The following LDB1 variants were observed in gnomAD, a reference collection of about 807,000 sequenced individuals.
LDB1 encodes LIM domain binding 1.
Under a neutral mutation model 49.7 loss-of-function variants are expected in LDB1, and 6 were observed. That is an observed-to-expected ratio of 0.12 (90% confidence interval 0.07 to 0.24). The LOEUF (loss-of-function observed/expected upper bound fraction) is 0.24. Among genes scored for constraint, LDB1 ranks in the 10% least tolerant of loss-of-function variants. The pLI is 1.00. For missense variants in LDB1, 341 were observed against 561.7 expected (o/e 0.61, Z 3.97); for synonymous variants, 233 against 202.0 (o/e 1.15, Z -1.30).
chr10:102,121,086 A>G (rs1305355561), upstream of LDB1, among the ~76,000 whole-genome samples: 1 of 152,086 alleles, frequency 6.6e-6, no homozygotes, highest in Admixed American at 6.5e-5. Context: ...AAAAGGGTTA[A>G]TTAAGTGGGG....
At chr10:102,121,298 A>G (rs1337999894), upstream of LDB1, among the ~76,000 whole-genome samples, 3 of 151,532 alleles carry the variant, frequency 2.0e-5, no homozygotes, top group African/African-American at 7.3e-5. Context: ...CAACCGCCCA[A>G]CCCCACCGCC....
intron 1 of LDB1, chr10:102,114,609 T>C: frequency 1.0e-6 from 1 of 983,298 alleles, no homozygotes; most frequent in Non-Finnish European, 1.2e-6. Flanking sequence ...GCGGCCGCTG[T>C]CCCGGGGGAA....
chr10:102,108,418 A>C, intron 10 of LDB1, 95 bp from the exon 11 acceptor site: 1 of 887,824 alleles, frequency 1.1e-6, no homozygotes, highest in Non-Finnish European at 1.8e-6. Flanking sequence ...CCACCCTGGA[A>C]GCTCAAGAGT....
chr10:102,115,983 T>G (rs960758098), intron 1 of LDB1, among the ~76,000 whole-genome samples: 2 of 152,092 alleles, frequency 1.3e-5, no homozygotes, highest in East Asian at 3.9e-4. Flanking sequence ...TTTCCTTCTT[T>G]GCAATTTGAG....
chr10:102,109,853 G>A lies in LDB1; in HGVS notation c.648+68C>T. ...TGTCTAAGTAGTCAGTCGGGAAATG[G>A]CAGACCTTGTTCCACCCTTCCCCCG... On this transcript the variant is annotated intron_variant, in intron 7 of 10. Transcript: ENST00000673968. The surrounding 1 kb of genome is among the most constrained non-coding windows in gnomAD (Gnocchi z 5.8). 1 of 1,585,192 alleles carries A rather than the reference G, an allele frequency of 6.3e-7. No homozygotes were observed.
chr10:102,113,756 T>A (rs1362606709), intron 1 of LDB1, among the ~76,000 whole-genome samples: 2 of 141,018 alleles, frequency 1.4e-5, no homozygotes, highest in African/African-American at 5.5e-5. Context: ...CTCTCCAATT[T>A]TGTAAAAAAA....
rs558516308 is a variant in LDB1 at position 102,106,541 on chromosome 10, CA to C, written c.*1551del. Reference sequence around the variant, plus strand: ...GGTACCATACATGACTCAAATGGCCCAAAAAAAAAAAAAAAAAAAAAAAAAA... The same window carrying C: ...GGTACCATACATGACTCAAATGGCCCAAAAAAAAAAAAAAAAAAAAAAAAA... On this transcript the variant is annotated 3_prime_UTR_variant, in exon 11 of 11. Transcript: ENST00000673968. Among the ~76,000 whole-genome samples the C allele has an allele frequency of 3.4e-4, 6 of 17,782 alleles. No individual in the cohort carries two copies. Among genetic ancestry groups the C allele is most frequent in the East Asian group, 1.6e-3 (1 of 644 alleles). 11.7% of individuals were successfully genotyped at this position (17,782 alleles called of 152,430 possible). A position where few individuals can be genotyped will look rare whatever the true frequency, so the allele number is the denominator to read the frequency against.
intron 1 of LDB1, among the ~76,000 whole-genome samples, chr10:102,119,812 GC>G (rs542012606): frequency 3.3e-4 from 49 of 150,054 alleles, no homozygotes; most frequent in African/African-American, 7.1e-4. Context: ...GAGAATTTCA[GC>G]CCCCCCCAAA....
chr10:102,114,812 G>GGGGGGGCCCCCCC, intron 1 of LDB1: 7 of 929,818 alleles, frequency 7.5e-6, no homozygotes, highest in Non-Finnish European at 9.0e-6. Flanking sequence ...CCTCCGAGCA[G>GGGGGGGCCCCCCC]CCCGCCCGCC....
In LDB1 at chr10:102,114,417, G is replaced by A. The variant is rs1221590873; in HGVS notation, c.26-2881C>T. The A allele has an allele frequency of 6.1e-6, 6 of 986,416 alleles. No homozygotes were observed. In the African/African-American group the frequency reaches 1.0e-4, roughly 17 times the overall value. 61.1% of individuals were successfully genotyped at this position (986,416 alleles called of 1,614,324 possible). ...GTGCCCAGACTTACCTGGGAGAACT[G>A]AGGGGGCCAGGAGAGGTACGGGGGA... On this transcript the variant is annotated intron_variant, in intron 1 of 10. Coordinates refer to ENST00000673968, the MANE Select transcript of LDB1 (RefSeq NM_001113407.3).
rs1590278204 is a variant in LDB1, at chr10:102,107,638, G to A, written c.*455C>T. 1 of 157,150 alleles carries A rather than the reference G, an allele frequency of 6.4e-6. No individual in the cohort carries two copies. The highest frequency in any genetic ancestry group is 2.4e-5 in the African/African-American group (1 of 41,508). 9.7% of individuals were successfully genotyped at this position (157,150 alleles called of 1,614,324 possible). A position where few individuals can be genotyped will look rare whatever the true frequency, so the allele number is the denominator to read the frequency against. On this transcript the variant is annotated 3_prime_UTR_variant, in exon 11 of 11. Transcript: ENST00000673968. ...TGGGATAAGTGGCAGCAGGGAGGAG[G>A]GGCCCAGAGCTTTACCCCTCTATTA... is the stretch of plus-strand genomic sequence containing the variant.
At chr10:102,102,331 T>A (rs2068128154), downstream of LDB1, among the ~76,000 whole-genome samples, 1 of 152,202 alleles carries the variant, frequency 6.6e-6, no homozygotes, top group Non-Finnish European at 1.5e-5. Flanking sequence ...CTGAAATCCG[T>A]TAAAGGAAAG....
chr10:102,117,886 C>T lies in LDB1; in HGVS notation c.25+2200G>A, dbSNP rs538188546. 3.9e-5 allele frequency among the ~76,000 whole-genome samples: 6 copies of T among 152,222 alleles called. 1 individual carries two copies. The South Asian group carries it at 6.2e-4, about 16-fold the overall frequency. Reference sequence around the variant, plus strand: ...ATGTGTGTATCTTGTGGTGCTTCTGCGTGTGCATGTGTGTGGGTCTGTGTG... The same window carrying T: ...ATGTGTGTATCTTGTGGTGCTTCTGTGTGTGCATGTGTGTGGGTCTGTGTG... On this transcript the variant is annotated intron_variant, in intron 1 of 10. Transcript: ENST00000673968. The surrounding 1 kb of genome is among the most constrained non-coding windows in gnomAD (Gnocchi z 4.2).
Position 102,109,272 on chromosome 10 carries a change from A to G in LDB1, c.857-95T>C, listed in dbSNP as rs1310788896. On this transcript the variant is annotated intron_variant, in intron 9 of 10. Transcript: ENST00000673968. The surrounding 1 kb of genome is among the most constrained non-coding windows in gnomAD (Gnocchi z 5.8). ...GGAGCATGAGCCTGCCCTGATCCCA[A>G]TTTTGTAGACCCGGGAACAAGGAAG... 4 of 1,603,884 alleles carry G rather than the reference A, an allele frequency of 2.5e-6. No individual in the cohort carries two copies. The highest frequency in any genetic ancestry group is 1.3e-5 in the African/African-American group (1 of 74,522).
At chr10:102,112,517 GC>G (rs985408134) in intron 1 of LDB1, among the ~76,000 whole-genome samples, 2 of 152,178 alleles carry the variant, frequency 1.3e-5, no homozygotes, top group Admixed American at 6.5e-5. Context: ...GGGGGTGGGT[GC>G]CTGTTGGGTG....
rs917638525 is a variant in LDB1, at chr10:102,106,827, G to C, written c.*1266C>G. ...CCCTGCTCCTGGCTGCACCCTGGCA[G>C]AGCCGAGGATCCCGGCTGCCTCCTC... is the stretch of plus-strand genomic sequence containing the variant. On this transcript the variant is annotated 3_prime_UTR_variant, in exon 11 of 11. Coordinates refer to ENST00000673968, the MANE Select transcript of LDB1 (RefSeq NM_001113407.3). Among the ~76,000 whole-genome samples, 3 of 152,278 alleles carry C rather than the reference G, an allele frequency of 2.0e-5. No individual in the cohort carries two copies. The South Asian group carries it at 6.2e-4, about 32-fold the overall frequency.
chr10:102,110,682 G>A lies in LDB1; in HGVS notation c.372C>T (p.Ile124=). The A allele has an allele frequency of 6.2e-7, 1 of 1,613,524 alleles. No homozygotes were observed. The highest frequency in any genetic ancestry group is 8.5e-7 in the Non-Finnish European group (1 of 1,179,648). The part of the protein sequence containing the change: ...PKRYTIGRTL[I]PRYFRSIFEG... ...CAAAGATGCTGCGGAAGTAGCGTGG[G>A]ATCAGGGTCCGGCCAATGGCTGTAG... The change falls in exon 6 of 11, where the codon ATC becomes ATT. Residue 124 remains isoleucine, a synonymous_variant. Coordinates refer to ENST00000673968, the MANE Select transcript of LDB1 (RefSeq NM_001113407.3).
rs1224644480 is a variant in LDB1, at chr10:102,116,863, G to A, written c.25+3223C>T. 3.3e-5 allele frequency among the ~76,000 whole-genome samples: 5 copies of A among 152,116 alleles called. No individual in the cohort carries two copies. In the East Asian group the frequency reaches 7.7e-4, roughly 23 times the overall value. On this transcript the variant is annotated intron_variant, in intron 1 of 10. Transcript: ENST00000673968. The stretch of plus-strand genomic sequence containing the variant: ...CCCAAATTTACAGCTTAACTCTGGG[G>A]TAGTCCCACTTCTCCCCCACTGCCT...
At chr10:102,112,732 A>G (rs1262306072) in intron 1 of LDB1, among the ~76,000 whole-genome samples, 2 of 152,030 alleles carry the variant, frequency 1.3e-5, no homozygotes, top group Admixed American at 6.6e-5. Flanking sequence ...TCTACCTACA[A>G]TTGAGAAGTA....
Sources: gnomAD v4.1 joint callset for allele counts (sites outside exome capture counted in the v4.1 genomes callset) on GRCh38, gnomAD v4.1.1 for gene constraint, Gnocchi (gnomAD v3.1) non-coding constraint, MANE v1.5 for transcripts, NCBI Gene and HGNC (gene_info 2026-07-23, HGNC 2026-07-21) for gene names.